The following GABRP variants were observed in gnomAD, a reference collection of about 807,000 sequenced individuals.
GABRP encodes the protein gamma-aminobutyric acid type A receptor subunit pi, also known as gamma-aminobutyric acid receptor subunit pi.
GABRP carries 52 observed loss-of-function variants against 47.8 expected under a neutral mutation model. That is an observed-to-expected ratio of 1.09 (90% CI 0.87 to 1.37). GABRP has a LOEUF of 1.37. Ranked by LOEUF, GABRP falls within the 40% of genes most tolerant of loss-of-function variation. The pLI is 0.00. For synonymous variants in GABRP, 221 were observed against 205.8 expected (o/e 1.07, Z -0.63); for missense variants, 525 against 542.8 (o/e 0.97, Z 0.33).
chr5:170,803,776 G>GGTTGGTTA (rs1554120276), intron 6 of GABRP, among the ~76,000 whole-genome samples: 30 of 151,902 alleles, frequency 2.0e-4, no homozygotes, highest in African/African-American at 7.0e-4. Flanking sequence ...TTGGTTGGTT[G>GGTTGGTTA]GTTGGTTGGT....
intron 3 of GABRP, 114 bp downstream of exon 3, chr5:170,789,361 TA>T: frequency 1.5e-6 from 1 of 658,518 alleles, no homozygotes; most frequent in East Asian, 2.8e-5. Flanking sequence ...TGCAGCCTGT[TA>T]AGGATTGGCA....
At chr5:170,800,232 G>A (rs927384697) in intron 6 of GABRP, among the ~76,000 whole-genome samples, 15 of 152,182 alleles carry the variant, frequency 9.9e-5, no homozygotes, top group Middle Eastern at 3.2e-3. Context: ...GCAAAAACAA[G>A]AAATGGGGAA....
intron 7 of GABRP, among the ~76,000 whole-genome samples, chr5:170,808,120 C>T (rs1018228194): frequency 1.3e-5 from 2 of 152,172 alleles, no homozygotes; most frequent in Admixed American, 1.3e-4. Flanking sequence ...AAGGATGGCC[C>T]TGAAGTAGTA....
intron 9 of GABRP, chr5:170,810,132 G>T: frequency 4.1e-6 from 2 of 490,426 alleles, no homozygotes; most frequent in Non-Finnish European, 7.2e-6. Context: ...GCATTATTTT[G>T]TCCTTAAATT....
intron 5 of GABRP, among the ~76,000 whole-genome samples, chr5:170,796,188 A>C (rs1357102707): frequency 1.3e-5 from 2 of 152,220 alleles, no homozygotes; most frequent in Non-Finnish European, 2.9e-5. Context: ...AAGTTATAAA[A>C]CAAGGGTTGA....
Position 170,788,565 on chromosome 5 carries a change from G to A in GABRP, c.-42-9G>A. On this transcript the variant is annotated splice_polypyrimidine_tract_variant and intron_variant, in intron 1 of 9. Transcript: ENST00000265294. ...CGGCCTTCCACTTACCTTGCCCCCT[G>A]TTTCCCAGGTGATTCCTACTTCAGC... 1 of 1,600,188 alleles carries A rather than the reference G, an allele frequency of 6.2e-7. No individual in the cohort carries two copies. Among genetic ancestry groups the A allele is most frequent in the Non-Finnish European group, 8.6e-7 (1 of 1,167,800 alleles).
rs1252493437 is a variant in GABRP at position 170,811,838 on chromosome 5, T to G, written c.1021-118T>G. The stretch of plus-strand genomic sequence containing the variant: ...CAATTTCTGAAGCACTCAATGCCAC[T>G]CTCTATTAAGCCTAATTATTCAACA... On this transcript the variant is annotated intron_variant, in intron 9 of 9. Transcript: ENST00000265294. 1.4e-5 allele frequency: 13 copies of G among 947,710 alleles called. No homozygotes were observed. The Admixed American group carries it at 2.8e-4, about 21-fold the overall frequency. 58.7% of individuals were successfully genotyped at this position (947,710 alleles called of 1,614,324 possible).
intron 3 of GABRP, among the ~76,000 whole-genome samples, chr5:170,791,553 C>A (rs915389713): frequency 2.0e-5 from 3 of 152,218 alleles, no homozygotes; most frequent in African/African-American, 4.8e-5. Context: ...CCTCTGGTGG[C>A]ACAGCTTGCT....
intron 6 of GABRP, among the ~76,000 whole-genome samples, chr5:170,802,350 G>T (rs10039477): frequency 0.16 from 24,344 of 152,202 alleles, 2,062 homozygotes; most frequent in South Asian, 0.24. Context: ...ACTCTGGAGA[G>T]CAGTGGGCAC....
intron 7 of GABRP, among the ~76,000 whole-genome samples, chr5:170,807,341 C>G (rs946340871): frequency 2.0e-5 from 3 of 152,124 alleles, no homozygotes; most frequent in Non-Finnish European, 4.4e-5. Flanking sequence ...TAAATTAGGG[C>G]TATGCAGTCA....
rs1175256941 is a variant in GABRP at position 170,797,585 on chromosome 5, C to A, written c.541+37C>A. The A allele has an allele frequency of 2.3e-6, 3 of 1,295,788 alleles. No homozygotes were observed. The African/African-American group carries it at 4.4e-5, about 19-fold the overall frequency. 80.3% of individuals were successfully genotyped at this position (1,295,788 alleles called of 1,614,324 possible). A position where few individuals can be genotyped will look rare whatever the true frequency, so the allele number is the denominator to read the frequency against. On this transcript the variant is annotated intron_variant, in intron 6 of 9. Coordinates refer to ENST00000265294, the MANE Select transcript of GABRP (RefSeq NM_014211.3). ...TCCTACAGGCTCCTGAGATGATTTT[C>A]CTGGGTGACTTAGGTGTGTGTATTC...
At chr5:170,801,415 C>T (rs1032232257) in intron 6 of GABRP, among the ~76,000 whole-genome samples, 2 of 152,106 alleles carry the variant, frequency 1.3e-5, no homozygotes, top group African/African-American at 4.8e-5. Context: ...ATTGAGTAAC[C>T]ATGTGACGCT....
intron 6 of GABRP, 40 bp from the exon 7 acceptor site, chr5:170,805,675 GA>G: frequency 6.2e-7 from 1 of 1,609,704 alleles, no homozygotes; most frequent in East Asian, 2.2e-5. Flanking sequence ...GTTCAATCTG[GA>G]ACACCCTTGC....
intron 6 of GABRP, 60 bp from the exon 7 acceptor site, chr5:170,805,651 TCCAGA>T (rs1765712977): frequency 6.4e-7 from 1 of 1,572,780 alleles, no homozygotes; most frequent in African/African-American, 1.4e-5. Flanking sequence ...TATAGCATTT[TCCAGA>T]CCAGACCAGT....
intron 6 of GABRP, among the ~76,000 whole-genome samples, chr5:170,802,232 C>G (rs1298381812): frequency 1.3e-5 from 2 of 152,058 alleles, no homozygotes; most frequent in Non-Finnish European, 2.9e-5. Context: ...TAAACCGCTC[C>G]GAAATGCCCA....
intron 7 of GABRP, among the ~76,000 whole-genome samples, chr5:170,806,447 A>G (rs375385209): frequency 1.3e-5 from 2 of 152,116 alleles, no homozygotes; most frequent in Admixed American, 6.6e-5. Flanking sequence ...AAATTACTAC[A>G]TATTTTATTT....
chr5:170,789,087 C>A, intron 2 of GABRP, 42 bp from the exon 3 acceptor site: 1 of 1,496,498 alleles, frequency 6.7e-7, no homozygotes, highest in Non-Finnish European at 9.3e-7. Flanking sequence ...TGTTGATTCA[C>A]ACATAAACAA....
chr5:170,806,657 G>C (rs1422442595), intron 7 of GABRP, among the ~76,000 whole-genome samples: 1 of 152,104 alleles, frequency 6.6e-6, no homozygotes, highest in African/African-American at 2.4e-5. Flanking sequence ...GGCCAGGCTG[G>C]TCTCGAACTC....
At chr5:170,798,023 C>A (rs912645245) in intron 6 of GABRP, among the ~76,000 whole-genome samples, 12 of 152,210 alleles carry the variant, frequency 7.9e-5, no homozygotes, top group Non-Finnish European at 1.5e-4. Context: ...TAACATTCTT[C>A]TTTGCTGCAG....
Sources: allele counts gnomAD v4.1 joint callset (sites outside exome capture counted in the v4.1 genomes callset), GRCh38; gene constraint gnomAD v4.1.1; transcripts MANE v1.5; gene names NCBI Gene and HGNC (gene_info 2026-07-23, HGNC 2026-07-21).